AK9: variants seen among roughly 807,000 people sequenced by gnomAD.
AK9 encodes the protein adenylate kinase 9.
AK9 carries 191 observed loss-of-function variants against 239.6 expected under a neutral mutation model. That is an observed-to-expected ratio of 0.80 (90% confidence interval 0.71 to 0.90). The LOEUF (loss-of-function observed/expected upper bound fraction) is 0.90, where lower values mean the gene tolerates loss of function less well. Ranked by LOEUF, AK9 falls within the 40% of genes least tolerant of loss-of-function variation. The probability of loss-of-function intolerance (pLI) is 0.00; values close to 1 mark genes in which losing one functional copy is unlikely to be tolerated. For missense variants in AK9, 1,995 were observed against 2,214.7 expected (o/e 0.90, Z 1.99); for synonymous variants, 689 against 721.0 (o/e 0.96, Z 0.71).
chr6:109,644,533 G>A, intron 9 of AK9, 81 bp downstream of exon 9: 1 of 1,205,594 alleles, frequency 8.3e-7, no homozygotes, highest in Non-Finnish European at 1.2e-6. Flanking sequence ...ATATGCTTCT[G>A]TTTATTAAAA....
rs1776736721 is a variant in AK9 at position 109,493,528 on chromosome 6, C to A, written c.5577G>T (p.Lys1859Asn). 6.2e-7 allele frequency: 1 copy of A among 1,613,910 alleles called. No individual in the cohort carries two copies. The highest frequency in any genetic ancestry group is 1.3e-5 in the African/African-American group (1 of 74,918). ...TCTCCATAAACTGCTCCATCTTCTT[C>A]TTATACTTTTTTCTTGTGTATTCGG... The part of the protein sequence containing the change: ...KGSEYTRKKY[K>N]KKMEQFMESC... The change falls in exon 41 of 41, where the codon AAG (lysine) becomes AAT (asparagine). Residue 1859 changes from lysine to asparagine, a missense_variant. Physicochemically the swap from Lys to Asn is moderately conservative, Grantham distance 94. Around this residue, in one of 5 missense-constraint regions of AK9, gnomAD observed 391 missense variants for 456.0 expected, o/e 0.86. Coordinates refer to ENST00000424296, the MANE Select transcript of AK9 (RefSeq NM_001145128.3).
chr6:109,497,915 T>A lies in AK9; in HGVS notation c.5097A>T (p.Pro1699=). Reference sequence around the variant, plus strand: ...TGGGGATCATGTCAGCAGATGGGAGTGGATGAGGTGCTAAGGGAGGCACGT... The same window carrying A: ...TGGGGATCATGTCAGCAGATGGGAGAGGATGAGGTGCTAAGGGAGGCACGT... ...ELYVPPLAPH[P]LPSADMIPKR... Residue 1699 remains proline (P), a synonymous_variant, in exon 37 of 41, where the codon CCA becomes CCT. Transcript: ENST00000424296. 1.2e-6 allele frequency: 2 copies of A among 1,613,876 alleles called. No homozygotes were observed. The highest frequency in any genetic ancestry group is 1.7e-6 in the Non-Finnish European group (2 of 1,179,922).
At chr6:109,671,887 T>A (rs1157405163) in intron 5 of AK9, 32 bp downstream of exon 5, 1 of 1,594,900 alleles carries the variant, frequency 6.3e-7, no homozygotes, top group African/African-American at 1.3e-5. Context: ...AAGGCTGCTT[T>A]GTGGGCTGTA....
At chr6:109,575,895 C>T (rs977046997) in intron 20 of AK9, among the ~76,000 whole-genome samples, 2 of 152,272 alleles carry the variant, frequency 1.3e-5, no homozygotes, top group East Asian at 3.9e-4. Context: ...GCCAATTATC[C>T]CAGCACCATT....
At chr6:109,635,680 T>C (rs919792373) in intron 10 of AK9, among the ~76,000 whole-genome samples, 2 of 152,212 alleles carry the variant, frequency 1.3e-5, no homozygotes, top group Non-Finnish European at 2.9e-5. Context: ...GACCTTTCCA[T>C]GGTCCAGCAA....
chr6:109,495,292 C>T, intron 39 of AK9, 46 bp downstream of exon 39: 1 of 1,398,328 alleles, frequency 7.2e-7, no homozygotes, highest in Non-Finnish European at 9.8e-7. Context: ...AAGAAGAAGT[C>T]ATTGTATTCT....
chr6:109,508,894 C>T (rs1778388857), intron 33 of AK9, among the ~76,000 whole-genome samples: 1 of 152,196 alleles, frequency 6.6e-6, no homozygotes, highest in African/African-American at 2.4e-5. Context: ...GTGTGGAAGT[C>T]ACATCAGCCT....
intron 17 of AK9, among the ~76,000 whole-genome samples, chr6:109,592,378 T>C (rs530700017): frequency 1.4e-4 from 22 of 151,728 alleles, no homozygotes; most frequent in African/African-American, 5.1e-4. Context: ...AGACCAAAAA[T>C]AGGACTCCAA....
At chr6:109,673,547 C>A (rs2128338428) in intron 3 of AK9, among the ~76,000 whole-genome samples, 1 of 151,712 alleles carries the variant, frequency 6.6e-6, no homozygotes, top group Non-Finnish European at 1.5e-5. Flanking sequence ...ATAAAGATAT[C>A]AACCCATTCT....
rs558609076 is a variant in AK9, at chr6:109,548,769, A to G, written c.2964+1321T>C. Among the ~76,000 whole-genome samples the G allele has an allele frequency of 7.9e-5, 12 of 152,308 alleles. No individual in the cohort carries two copies. The South Asian group carries it at 2.5e-3, about 32-fold the overall frequency. On this transcript the variant is annotated intron_variant, in intron 25 of 40. Transcript: ENST00000424296. The stretch of plus-strand genomic sequence containing the variant: ...TCTGCTGACAAAAACAGAGCTTTCG[A>G]TGGAAATTTTAAACACATGGGATCA...
At chr6:109,604,642 T>G (rs1244438504) in intron 17 of AK9, among the ~76,000 whole-genome samples, 2 of 152,204 alleles carry the variant, frequency 1.3e-5, no homozygotes, top group Non-Finnish European at 2.9e-5. Flanking sequence ...GTTAGTAGAG[T>G]AAGTCTCCCT....
At chr6:109,615,788 G>A (rs1221816454) in intron 13 of AK9, among the ~76,000 whole-genome samples, 1 of 152,076 alleles carries the variant, frequency 6.6e-6, no homozygotes, top group African/African-American at 2.4e-5. Flanking sequence ...GCAAAATGTT[G>A]AGAAGCTTCC....
chr6:109,542,239 CAT>C lies in AK9; in HGVS notation c.3226-70_3226-69del. 7 of 1,423,976 alleles carry C rather than the reference CAT, an allele frequency of 4.9e-6. No individual in the cohort carries two copies. The South Asian group carries it at 9.7e-5, about 20-fold the overall frequency. The allele number at this position is 1,423,976 out of a possible 1,614,324, so 88.2% of individuals were successfully genotyped here. A position where few individuals can be genotyped will look rare whatever the true frequency, so the allele number is the denominator to read the frequency against. The stretch of plus-strand genomic sequence containing the variant: ...ATGCTAATAATTGCATGTTCTCACT[CAT>C]ATGTGAAAGTTAAAGAGGAGGACCT... On this transcript the variant is annotated intron_variant, in intron 26 of 40. Coordinates refer to ENST00000424296, the MANE Select transcript of AK9 (RefSeq NM_001145128.3).
intron 21 of AK9, among the ~76,000 whole-genome samples, chr6:109,572,747 C>A (rs955825679): frequency 1.8e-4 from 27 of 152,152 alleles, no homozygotes; most frequent in African/African-American, 6.5e-4. Flanking sequence ...TATCTGAAGA[C>A]CTTTTAGTTT....
intron 28 of AK9, among the ~76,000 whole-genome samples, chr6:109,531,556 T>C (rs536503084): frequency 6.6e-6 from 1 of 152,230 alleles, no homozygotes; most frequent in South Asian, 2.1e-4. Context: ...AACATTTGAT[T>C]TTTCAGTCAC....
At chr6:109,681,512 C>A (rs986199140) in intron 1 of AK9, among the ~76,000 whole-genome samples, 1 of 152,046 alleles carries the variant, frequency 6.6e-6, no homozygotes, top group Non-Finnish European at 1.5e-5. Context: ...CTTTAACACC[C>A]CATTGTCAAT....
intron 1 of AK9, among the ~76,000 whole-genome samples, chr6:109,679,825 G>GGACCTCCAGC (rs1387052509): frequency 7.9e-5 from 12 of 152,318 alleles, no homozygotes; most frequent in African/African-American, 2.6e-4. Context: ...AGTCTAGAGT[G>GGACCTCCAGC]GACCTCCAGC....
chr6:109,626,733 T>C (rs1349187530), intron 12 of AK9, among the ~76,000 whole-genome samples: 1 of 152,186 alleles, frequency 6.6e-6, no homozygotes, highest in Admixed American at 6.5e-5. Flanking sequence ...TATCTAAATA[T>C]AGAAAAGGTT....
intron 36 of AK9, among the ~76,000 whole-genome samples, chr6:109,498,371 C>T (rs1055661966): frequency 2.0e-5 from 3 of 152,160 alleles, no homozygotes; most frequent in Non-Finnish European, 4.4e-5. Context: ...GATACATGGC[C>T]TTTAATGTCA....
Sources: gnomAD v4.1 joint callset for allele counts (sites outside exome capture counted in the v4.1 genomes callset) on GRCh38, gnomAD v4.1.1 for gene constraint, gnomAD v4.1.1 regional missense constraint, MANE v1.5 for transcripts, NCBI Gene and HGNC (gene_info 2026-07-23, HGNC 2026-07-21) for gene names.